VWA8: variants seen among roughly 807,000 people sequenced by gnomAD.
VWA8 encodes von Willebrand factor A domain-containing protein 8.
In VWA8, 221 loss-of-function variants were observed where a neutral mutation model predicts 241.5. That is an observed-to-expected ratio of 0.91 (90% CI 0.82 to 1.02). VWA8 has a LOEUF of 1.02. Ranked by LOEUF, VWA8 falls within the 50% of genes least tolerant of loss-of-function variation. The pLI is 0.00. For synonymous variants in VWA8, 852 were observed against 827.1 expected (o/e 1.03, Z -0.52); for missense variants, 2,322 against 2,328.7 (o/e 1.00, Z 0.06).
chr13:41,580,837 T>C (rs2044377579), intron 42 of VWA8, among the ~76,000 whole-genome samples: 1 of 152,132 alleles, frequency 6.6e-6, no homozygotes, highest in Admixed American at 6.6e-5. Flanking sequence ...TTGGTGAAAA[T>C]AATTTCCAAG....
At chr13:41,685,887 T>C (rs1210485265) in intron 34 of VWA8, among the ~76,000 whole-genome samples, 2 of 152,188 alleles carry the variant, frequency 1.3e-5, no homozygotes, top group Non-Finnish European at 2.9e-5. Context: ...ACTTTAAATT[T>C]TTACCACGTA....
chr13:41,850,467 G>C (rs1872482231), intron 12 of VWA8, among the ~76,000 whole-genome samples: 1 of 152,098 alleles, frequency 6.6e-6, no homozygotes, highest in African/African-American at 2.4e-5. Context: ...TGCCACACTG[G>C]ACTCTGAAGA....
chr13:41,787,444 A>G lies in VWA8; in HGVS notation c.2163T>C (p.Asp721=), dbSNP rs1869247457. 4 of 1,608,468 alleles carry G rather than the reference A, an allele frequency of 2.5e-6. No individual in the cohort carries two copies. Among genetic ancestry groups the G allele is most frequent in the South Asian group, 2.2e-5 (2 of 90,870 alleles). ...TDDNLEPELK[D]YKCEVTSGTL... is the part of the protein sequence containing the mutation. ...GCCAAATCAAATACTTACATTTGTA[A>G]TCCTTCAGTTCTGGCTCCAAATTGT... Residue 721 remains aspartate, a synonymous_variant, in exon 18 of 45, where the codon GAT becomes GAC. Coordinates refer to ENST00000379310, the MANE Select transcript of VWA8 (RefSeq NM_015058.2).
At chr13:41,882,202 G>T (rs1379413678) in intron 9 of VWA8, among the ~76,000 whole-genome samples, 1 of 151,270 alleles carries the variant, frequency 6.6e-6, no homozygotes, top group Non-Finnish European at 1.5e-5. Context: ...CATCTCAGAC[G>T]ATGGGCGGCC....
chr13:41,876,601 C>A (rs895384425), intron 9 of VWA8, among the ~76,000 whole-genome samples: 9 of 152,066 alleles, frequency 5.9e-5, no homozygotes, highest in African/African-American at 2.2e-4. Flanking sequence ...GACTGACAGT[C>A]GCCCTTCATT....
At chr13:41,749,077 C>T (rs1437270670) in intron 21 of VWA8, among the ~76,000 whole-genome samples, 1 of 152,120 alleles carries the variant, frequency 6.6e-6, no homozygotes, top group Non-Finnish European at 1.5e-5. Context: ...AGGCAACCTA[C>T]AGAATAGAAG....
chr13:41,759,328 C>T (rs890101492), intron 21 of VWA8, among the ~76,000 whole-genome samples: 3 of 151,376 alleles, frequency 2.0e-5, no homozygotes, highest in East Asian at 1.9e-4. Context: ...ATAGGTAATA[C>T]GTCTTTTTTC....
At chr13:41,807,294 A>G (rs547547736) in intron 17 of VWA8, among the ~76,000 whole-genome samples, 8 of 152,190 alleles carry the variant, frequency 5.3e-5, no homozygotes, top group Non-Finnish European at 1.0e-4. Flanking sequence ...TACTGAAACC[A>G]TTCTGAAAAA....
At chr13:41,907,104 A>G (rs1215507621) in intron 4 of VWA8, among the ~76,000 whole-genome samples, 2 of 152,196 alleles carry the variant, frequency 1.3e-5, no homozygotes, top group African/African-American at 4.8e-5. Context: ...TATAATGTTC[A>G]TAAAACATTA....
intron 37 of VWA8, among the ~76,000 whole-genome samples, chr13:41,616,081 A>G (rs903153557): frequency 1.3e-5 from 2 of 152,218 alleles, no homozygotes; most frequent in Non-Finnish European, 2.9e-5. Context: ...GGAACAAGAG[A>G]GCTTACAAAT....
intron 34 of VWA8, among the ~76,000 whole-genome samples, chr13:41,688,264 T>C (rs892981142): frequency 1.3e-5 from 2 of 152,098 alleles, no homozygotes; most frequent in Non-Finnish European, 2.9e-5. Flanking sequence ...TCATTAACTA[T>C]ATTAAAATGT....
At chr13:41,721,113 C>G (rs1214161953) in intron 25 of VWA8, among the ~76,000 whole-genome samples, 1 of 152,130 alleles carries the variant, frequency 6.6e-6, no homozygotes, top group African/African-American at 2.4e-5. Flanking sequence ...CTTCACCTGC[C>G]CTCTAACAGC....
intron 4 of VWA8, among the ~76,000 whole-genome samples, chr13:41,896,627 AC>A (rs1185506292): frequency 6.6e-6 from 1 of 152,174 alleles, no homozygotes; most frequent in Non-Finnish European, 1.5e-5. Context: ...AATTAACAAT[AC>A]CCCTATAAAA....
chr13:41,677,952 C>T (rs1237458456), intron 35 of VWA8, among the ~76,000 whole-genome samples: 1 of 152,054 alleles, frequency 6.6e-6, no homozygotes, highest in Non-Finnish European at 1.5e-5. Flanking sequence ...TTTAAATAGG[C>T]CAGCTGAAAA....
At chr13:41,730,702 T>C (rs746178984) in intron 22 of VWA8, among the ~76,000 whole-genome samples, 1 of 151,810 alleles carries the variant, frequency 6.6e-6, no homozygotes, top group Non-Finnish European at 1.5e-5. Flanking sequence ...AAAGAAGATA[T>C]CCAATGAATT....
chr13:41,960,800 C>A, intron 1 of VWA8, 53 bp downstream of exon 1: 1 of 1,477,770 alleles, frequency 6.8e-7, no homozygotes, highest in African/African-American at 1.5e-5. Context: ...CGCGCGGGGA[C>A]CCGGCACGGA....
chr13:41,727,341 A>G (rs749014840), intron 23 of VWA8, 28 bp from the exon 24 acceptor site: 2 of 1,321,068 alleles, frequency 1.5e-6, no homozygotes, highest in African/African-American at 3.0e-5. Context: ...TTTATTCTTT[A>G]TCAATATTTA....
chr13:41,573,713 G>T (rs1220516368), intron 43 of VWA8, among the ~76,000 whole-genome samples: 2 of 151,334 alleles, frequency 1.3e-5, no homozygotes, highest in Non-Finnish European at 2.9e-5. Context: ...TGCCTCCCGG[G>T]TTCGGGCGGT....
intron 12 of VWA8, among the ~76,000 whole-genome samples, chr13:41,841,805 A>T (rs1872029289): frequency 1.5e-4 from 6 of 41,084 alleles, no homozygotes; most frequent in Admixed American, 9.7e-4. Context: ...AAAAAAAAAA[A>T]AAAAAAAAAA....
Sources: allele counts gnomAD v4.1 joint callset (sites outside exome capture counted in the v4.1 genomes callset), GRCh38; gene constraint gnomAD v4.1.1; transcripts MANE v1.5; gene names NCBI Gene and HGNC (gene_info 2026-07-23, HGNC 2026-07-21).